TM6SF1: variants seen among roughly 807,000 people sequenced by gnomAD.
TM6SF1 encodes transmembrane 6 superfamily member 1.
Under a neutral mutation model 47.1 loss-of-function variants are expected in TM6SF1, and 43 were observed. The observed-to-expected ratio is 0.91, with a 90% confidence interval of 0.72 to 1.18. The LOEUF is 1.18. Ranked by LOEUF, TM6SF1 falls within the 50% of genes most tolerant of loss-of-function variation. TM6SF1 has a pLI of 0.00. For synonymous variants in TM6SF1, 177 were observed against 166.3 expected, an observed-to-expected ratio of 1.06 and a Z score of -0.49; for missense variants, 390 against 449.0, an observed-to-expected ratio of 0.87 and a Z score of 1.19.
intron 9 of TM6SF1, chr15:83,134,196 G>A (rs2036456429): frequency 6.6e-6 from 1 of 151,880 alleles, no homozygotes. Context: ...TGCCCAGTGG[G>A]CTTACAATCT....
At chr15:83,121,524 C>A (rs2035243754) in intron 4 of TM6SF1, among the ~76,000 whole-genome samples, 1 of 152,190 alleles carries the variant, frequency 6.6e-6, no homozygotes, top group African/African-American at 2.4e-5. Flanking sequence ...TTAACATTAT[C>A]ATTGTAAGTA....
intron 4 of TM6SF1, chr15:83,120,018 A>C: frequency 4.1e-6 from 1 of 241,028 alleles, no homozygotes; most frequent in Non-Finnish European, 8.3e-6. Context: ...CAGCAATCTC[A>C]TTTCGGTTCA....
intron 3 of TM6SF1, 22 bp from the exon 4 acceptor site, chr15:83,119,556 T>C (rs2035025830): frequency 6.2e-7 from 1 of 1,612,850 alleles, no homozygotes; most frequent in Non-Finnish European, 8.5e-7. Context: ...TAAAGTGGAC[T>C]TCTTTTTAAT....
intron 4 of TM6SF1, among the ~76,000 whole-genome samples, chr15:83,120,882 T>C (rs967780453): frequency 1.3e-5 from 2 of 151,044 alleles, no homozygotes; most frequent in African/African-American, 4.9e-5. Context: ...CATTCTTATC[T>C]GTTCTCCTGC....
chr15:83,112,960 C>T, intron 2 of TM6SF1, 60 bp downstream of exon 2: 5 of 1,341,466 alleles, frequency 3.7e-6, no homozygotes, highest in Non-Finnish European at 5.4e-6. Context: ...CTTTCAGCCT[C>T]AGTCACATAT....
chr15:83,111,271 A>C (rs1484029263), intron 1 of TM6SF1, among the ~76,000 whole-genome samples: 1 of 151,516 alleles, frequency 6.6e-6, no homozygotes, highest in Non-Finnish European at 1.5e-5. Flanking sequence ...CTATCCATCC[A>C]TTTATCCATC....
chr15:83,117,334 C>T (rs1406519185), intron 3 of TM6SF1, among the ~76,000 whole-genome samples: 1 of 152,048 alleles, frequency 6.6e-6, no homozygotes, highest in African/African-American at 2.4e-5. Flanking sequence ...AGGTCTTGAG[C>T]TCTGAGGAGC....
chr15:83,135,532 A>AT lies in TM6SF1; in HGVS notation c.922-945dup, dbSNP rs1325490088. 3 of 152,180 alleles carry AT rather than the reference A, an allele frequency of 2.0e-5. No homozygotes were observed. In the East Asian group the frequency reaches 5.8e-4, roughly 29 times the overall value. 9.4% of individuals were successfully genotyped at this position (152,180 alleles called of 1,614,324 possible). On this transcript the variant is annotated intron_variant, in intron 9 of 9. Transcript: ENST00000322019. Reference sequence around the variant, plus strand: ...ATGAAAATGCAGACTCCAGGGGTACATTTTGTAATGATACAAGCCTTCTGA... The same window carrying AT: ...ATGAAAATGCAGACTCCAGGGGTACATTTTTGTAATGATACAAGCCTTCTGA...
At chr15:83,115,041 G>C (rs1462798039) in intron 2 of TM6SF1, 4 of 152,478 alleles carry the variant, frequency 2.6e-5, no homozygotes, top group African/African-American at 9.7e-5. Flanking sequence ...ACGCCATGTG[G>C]AATAGGGTAA....
In TM6SF1 at chr15:83,124,727, T is replaced by C; in HGVS notation, c.659T>C (p.Leu220Ser). 1 of 1,614,190 alleles carries C rather than the reference T, an allele frequency of 6.2e-7. No homozygotes were observed. The highest frequency in any genetic ancestry group is 8.5e-7 in the Non-Finnish European group (1 of 1,180,030). The change falls in exon 7 of 10, where the codon TTG (leucine) becomes TCG (serine). Residue 220 changes from leucine to serine, a missense_variant. Coordinates refer to ENST00000322019, the MANE Select transcript of TM6SF1 (RefSeq NM_023003.5). The stretch of plus-strand genomic sequence containing the variant: ...CTGAGAAGACCATTTGATTTAATGT[T>C]GGTTGTGTGTCTCCTCCTGGCAACT... ...DLLRRPFDLM[L>S]VVCLLLATGF... is the part of the protein sequence containing the mutation.
At chr15:83,111,156 G>A (rs1186291122) in intron 1 of TM6SF1, among the ~76,000 whole-genome samples, 1 of 152,152 alleles carries the variant, frequency 6.6e-6, no homozygotes, top group Non-Finnish European at 1.5e-5. Flanking sequence ...ACAGGTGTGA[G>A]CCACTGCGCC....
Sources: gnomAD v4.1 joint callset for allele counts (sites outside exome capture counted in the v4.1 genomes callset) on GRCh38, gnomAD v4.1.1 for gene constraint, MANE v1.5 for transcripts, NCBI Gene and HGNC (gene_info 2026-07-23, HGNC 2026-07-21) for gene names.